Variants in REEP1 observed in about 807,000 individuals in gnomAD.
REEP1 encodes receptor accessory protein 1.
In REEP1, 22 loss-of-function variants were observed where a neutral mutation model predicts 40.3. The observed-to-expected ratio is 0.55, with a 90% CI of 0.39 to 0.78. REEP1 has a LOEUF of 0.78. Ranked by LOEUF, REEP1 falls within the 30% of genes least tolerant of loss-of-function variation. The pLI, the probability that REEP1 is intolerant of heterozygous loss-of-function variation, is 0.00. For missense variants in REEP1, 280 were observed against 361.1 expected, an observed-to-expected ratio of 0.78 and a Z score of 1.82; for synonymous variants, 116 against 139.2, an observed-to-expected ratio of 0.83 and a Z score of 1.17.
chr2:86,308,135 C>T (rs1679589575), intron 1 of REEP1, among the ~76,000 whole-genome samples: 1 of 152,168 alleles, frequency 6.6e-6, no homozygotes, highest in African/African-American at 2.4e-5. Context: ...ATGCAAAGAA[C>T]TCACGGAGGC....
chr2:86,260,474 G>A (rs771970039), intron 3 of REEP1, among the ~76,000 whole-genome samples: 27 of 152,194 alleles, frequency 1.8e-4, no homozygotes, highest in Non-Finnish European at 3.5e-4. Context: ...TTTTGGCCAA[G>A]ATGTAATGAA....
intron 1 of REEP1, among the ~76,000 whole-genome samples, chr2:86,326,397 AG>A (rs1415004911): frequency 2.0e-5 from 3 of 152,322 alleles, no homozygotes; most frequent in Non-Finnish European, 4.4e-5. Flanking sequence ...TTCCTTAACC[AG>A]TATAAGGAAA....
In REEP1 at chr2:86,313,299, T is replaced by C. The variant is rs1304508468; in HGVS notation, c.32+24180A>G. Among the ~76,000 whole-genome samples the C allele has an allele frequency of 4.1e-5, 6 of 146,658 alleles. No individual in the cohort carries two copies. The South Asian group carries it at 8.7e-4, about 21-fold the overall frequency. On this transcript the variant is annotated intron_variant, in intron 1 of 8. Coordinates refer to ENST00000538924, the MANE Select transcript of REEP1 (RefSeq NM_001371279.1). ...TGCCTGGCTGGTTTTTCTTTTCTTT[T>C]CTTTTTTTTTTTTTTGGTGTGTAGA... is the stretch of plus-strand genomic sequence containing the variant.
chr2:86,311,747 G>C (rs930793961), intron 1 of REEP1, among the ~76,000 whole-genome samples: 1 of 152,254 alleles, frequency 6.6e-6, no homozygotes, highest in African/African-American at 2.4e-5. Context: ...TAAGGTTCCA[G>C]GTGGACATGA....
intron 6 of REEP1, among the ~76,000 whole-genome samples, chr2:86,229,611 T>C (rs1465261576): frequency 4.0e-4 from 58 of 145,852 alleles, no homozygotes; most frequent in African/African-American, 1.4e-3. Context: ...TTTTTTTTTT[T>C]TTTTTTTTTT....
chr2:86,272,650 C>T (rs1296925464), intron 2 of REEP1, among the ~76,000 whole-genome samples: 2 of 152,220 alleles, frequency 1.3e-5, no homozygotes, highest in South Asian at 2.1e-4. Context: ...AACCAATCCC[C>T]AAGTTCTGTC....
intron 7 of REEP1, among the ~76,000 whole-genome samples, chr2:86,225,743 A>T (rs894467238): frequency 1.8e-4 from 28 of 152,334 alleles, no homozygotes; most frequent in Admixed American, 6.5e-4. Flanking sequence ...AGCAAAAGCT[A>T]TATTAGGCAC....
chr2:86,305,924 C>A (rs902264399), intron 1 of REEP1, among the ~76,000 whole-genome samples: 1 of 152,178 alleles, frequency 6.6e-6, no homozygotes. Context: ...CAGTTCTCCT[C>A]GGGCCACTCG....
chr2:86,270,239 C>A (rs1451858453), intron 2 of REEP1, among the ~76,000 whole-genome samples: 2 of 152,084 alleles, frequency 1.3e-5, no homozygotes, highest in African/African-American at 4.8e-5. Context: ...TCTTGTTGCC[C>A]AGGCTGGAGT....
At chr2:86,277,192 C>A (rs1677801271) in intron 2 of REEP1, among the ~76,000 whole-genome samples, 2 of 152,116 alleles carry the variant, frequency 1.3e-5, no homozygotes, top group African/African-American at 4.8e-5. Context: ...CACAATGAGG[C>A]AGAAAGAAGA....
At chr2:86,287,978 G>A (rs1170064525) in intron 1 of REEP1, among the ~76,000 whole-genome samples, 3 of 151,544 alleles carry the variant, frequency 2.0e-5, no homozygotes. Flanking sequence ...TTCAATCCAT[G>A]TTGACACTTG....
At chr2:86,259,134 C>CA (rs1485757773) in intron 3 of REEP1, among the ~76,000 whole-genome samples, 33 of 151,650 alleles carry the variant, frequency 2.2e-4, no homozygotes, top group African/African-American at 7.3e-4. Context: ...GGTGAAAATA[C>CA]AAAAAATTAG....
chr2:86,251,543 T>C, intron 5 of REEP1: 1 of 281,234 alleles, frequency 3.6e-6, no homozygotes, highest in South Asian at 3.8e-5. Context: ...CCACTGCATT[T>C]AGGCGACTCT....
intron 1 of REEP1, among the ~76,000 whole-genome samples, chr2:86,282,466 G>A (rs1678149953): frequency 6.6e-6 from 1 of 151,966 alleles, no homozygotes; most frequent in African/African-American, 2.4e-5. Flanking sequence ...TTCAACCTGT[G>A]GTCTGGCAAC....
chr2:86,333,165 C>A (rs1000219655), intron 1 of REEP1, among the ~76,000 whole-genome samples: 1 of 152,218 alleles, frequency 6.6e-6, no homozygotes, highest in African/African-American at 2.4e-5. Flanking sequence ...TTCCTGCATG[C>A]CACATTTTAA....
At chr2:86,241,946 G>A (rs1430377568) in intron 5 of REEP1, among the ~76,000 whole-genome samples, 1 of 152,184 alleles carries the variant, frequency 6.6e-6, no homozygotes, top group African/African-American at 2.4e-5. Context: ...CATGCGAGGT[G>A]GGCCAGGACA....
intron 1 of REEP1, among the ~76,000 whole-genome samples, chr2:86,313,555 C>T (rs1226367951): frequency 1.3e-5 from 2 of 152,180 alleles, no homozygotes; most frequent in Admixed American, 6.5e-5. Context: ...TGTCACAGAG[C>T]TGTTAAATGG....
At chr2:86,220,882 T>G (rs1674385202) in intron 7 of REEP1, among the ~76,000 whole-genome samples, 1 of 152,324 alleles carries the variant, frequency 6.6e-6, no homozygotes, top group Non-Finnish European at 1.5e-5. Context: ...ACAGTATTTT[T>G]TAAATGTTAA....
At chr2:86,224,535 C>T (rs1674588660) in intron 7 of REEP1, among the ~76,000 whole-genome samples, 1 of 152,188 alleles carries the variant, frequency 6.6e-6, no homozygotes, top group African/African-American at 2.4e-5. Flanking sequence ...CAAAGGGTTC[C>T]TTGCATGCAG....
Sources: allele counts gnomAD v4.1 joint callset (sites outside exome capture counted in the v4.1 genomes callset), GRCh38; gene constraint gnomAD v4.1.1; transcripts MANE v1.5; gene names NCBI Gene and HGNC (gene_info 2026-07-23, HGNC 2026-07-21).